Variants in HEATR5B observed in about 807,000 individuals in gnomAD.
HEATR5B encodes the protein HEAT repeat containing 5B.
In HEATR5B, 156 loss-of-function variants were observed where a neutral mutation model predicts 224.1. The observed-to-expected ratio is 0.70, with a 90% CI of 0.61 to 0.80. The LOEUF (loss-of-function observed/expected upper bound fraction) is 0.80. Among genes scored for constraint, HEATR5B ranks in the 30% least tolerant of loss-of-function variants. The pLI is 0.00. For synonymous variants in HEATR5B, 1,027 were observed against 893.0 expected (o/e 1.15, Z -2.68); for missense variants, 2,323 against 2,535.5 (o/e 0.92, Z 1.80).
At chr2:37,042,736 A>T (rs1669950236) in intron 18 of HEATR5B, among the ~76,000 whole-genome samples, 1 of 152,140 alleles carries the variant, frequency 6.6e-6, no homozygotes. Context: ...TACTAAAAAT[A>T]CAAAAATCAG....
intron 24 of HEATR5B, among the ~76,000 whole-genome samples, chr2:37,022,084 G>A (rs1476943609): frequency 6.6e-6 from 1 of 151,592 alleles, no homozygotes; most frequent in Non-Finnish European, 1.5e-5. Context: ...TTTTTTCCCA[G>A]GTGAATCCTT....
chr2:37,006,711 ATCT>A (rs1335635298), intron 29 of HEATR5B, among the ~76,000 whole-genome samples: 2 of 152,342 alleles, frequency 1.3e-5, no homozygotes, highest in East Asian at 3.9e-4. Flanking sequence ...ATTCACTGAA[ATCT>A]TCTTAAACAT....
chr2:37,017,600 C>T (rs1228384884), intron 26 of HEATR5B, among the ~76,000 whole-genome samples: 5 of 144,196 alleles, frequency 3.5e-5, no homozygotes, highest in African/African-American at 1.0e-4. Context: ...GCAGGAGAAT[C>T]GCTTGAACCT....
intron 26 of HEATR5B, among the ~76,000 whole-genome samples, chr2:37,015,822 T>A (rs1339399532): frequency 6.6e-6 from 1 of 152,204 alleles, no homozygotes; most frequent in Non-Finnish European, 1.5e-5. Flanking sequence ...GGTAATTACA[T>A]AACCCTAGGA....
At chr2:37,052,529 G>A (rs1384498569) in intron 17 of HEATR5B, among the ~76,000 whole-genome samples, 1 of 152,188 alleles carries the variant, frequency 6.6e-6, no homozygotes, top group East Asian at 1.9e-4. Flanking sequence ...TGTTCTTCCT[G>A]TAGATCTCAG....
chr2:37,063,943 C>G (rs1292800269), intron 10 of HEATR5B, among the ~76,000 whole-genome samples: 2 of 152,162 alleles, frequency 1.3e-5, no homozygotes, highest in African/African-American at 4.8e-5. Context: ...TCCCAAGTAG[C>G]TGGGATTACA....
chr2:37,054,590 T>C (rs1431182444), intron 16 of HEATR5B, among the ~76,000 whole-genome samples: 1 of 151,162 alleles, frequency 6.6e-6, no homozygotes, highest in Non-Finnish European at 1.5e-5. Context: ...GTTCATATGA[T>C]TCTCCTGCCT....
intron 23 of HEATR5B, 52 bp from the exon 24 acceptor site, chr2:37,028,226 C>G: frequency 1.6e-6 from 2 of 1,244,694 alleles, no homozygotes; most frequent in Middle Eastern, 4.2e-4. Flanking sequence ...CAAAAATGAT[C>G]CTTTAAAAAG....
chr2:37,069,018 C>T, intron 7 of HEATR5B, 88 bp from the exon 8 acceptor site: 2 of 1,309,598 alleles, frequency 1.5e-6, no homozygotes, highest in South Asian at 2.9e-5. Flanking sequence ...TAACTGATAA[C>T]AGCATGCTGA....
At chr2:36,983,176 T>C (rs1665697513) in intron 35 of HEATR5B, among the ~76,000 whole-genome samples, 1 of 152,108 alleles carries the variant, frequency 6.6e-6, no homozygotes, top group African/African-American at 2.4e-5. Flanking sequence ...ATTTTTAAAG[T>C]CCCAGGTAAA....
chr2:37,017,337 G>A (rs1668181391), intron 26 of HEATR5B, among the ~76,000 whole-genome samples: 1 of 151,624 alleles, frequency 6.6e-6, no homozygotes, highest in Admixed American at 6.6e-5. Flanking sequence ...AGGGTGCAGT[G>A]AGCTGAGATC....
At chr2:37,051,354 C>CAAAAAAAAAAAAAAAAAAAAAAAAATAA (rs11313174) in intron 17 of HEATR5B, among the ~76,000 whole-genome samples, 1 of 66,040 alleles carries the variant, frequency 1.5e-5, no homozygotes, top group African/African-American at 5.7e-5. Flanking sequence ...AACTCCATCT[C>CAAAAAAAAAAAAAAAAAAAAAAAAATAA]AAAAAAAAAA....
chr2:37,074,523 C>T (rs537014109), intron 5 of HEATR5B, among the ~76,000 whole-genome samples: 3 of 152,178 alleles, frequency 2.0e-5, no homozygotes, highest in East Asian at 3.9e-4. Flanking sequence ...AGATACAACA[C>T]CAAAAGCACA....
rs1665571579 is a variant in HEATR5B at position 36,981,395 on chromosome 2, T to A, written c.*95A>T. On this transcript the variant is annotated 3_prime_UTR_variant, in exon 36 of 36. Coordinates refer to ENST00000233099, the MANE Select transcript of HEATR5B (RefSeq NM_019024.3). Reference sequence around the variant, plus strand: ...AAGCACTATAATACCAATATACAAATAAAACAGAACCCATAGGTAGCCTGG... The same window carrying A: ...AAGCACTATAATACCAATATACAAAAAAAACAGAACCCATAGGTAGCCTGG... The A allele has an allele frequency of 1.1e-6, 1 of 929,974 alleles. No homozygotes were observed. Among genetic ancestry groups the A allele is most frequent in the Non-Finnish European group, 1.6e-6 (1 of 628,232 alleles). 57.6% of individuals were successfully genotyped at this position (929,974 alleles called of 1,614,324 possible). A position where few individuals can be genotyped will look rare whatever the true frequency, so the allele number is the denominator to read the frequency against.
intron 27 of HEATR5B, among the ~76,000 whole-genome samples, chr2:37,012,437 C>T (rs766061449): frequency 6.6e-6 from 1 of 152,104 alleles, no homozygotes; most frequent in African/African-American, 2.4e-5. Context: ...GTTGCCCAGG[C>T]TGCAGTGCAA....
intron 21 of HEATR5B, among the ~76,000 whole-genome samples, chr2:37,034,843 C>A (rs1669378040): frequency 6.6e-6 from 1 of 152,014 alleles, no homozygotes; most frequent in Admixed American, 6.6e-5. Flanking sequence ...CAGGTGTGAG[C>A]CACCGCACCC....
At chr2:37,029,430 G>A (rs1169583240) in intron 22 of HEATR5B, among the ~76,000 whole-genome samples, 2 of 152,248 alleles carry the variant, frequency 1.3e-5, no homozygotes, top group African/African-American at 4.8e-5. Context: ...TTGGGAGGCT[G>A]AGGCAGGTGG....
At chr2:37,071,934 C>T (rs189206189) in intron 6 of HEATR5B, among the ~76,000 whole-genome samples, 176 bp downstream of exon 6, 36 of 152,244 alleles carry the variant, frequency 2.4e-4, no homozygotes, top group Admixed American at 7.2e-4. Context: ...CCACCTGTCT[C>T]GGCCTCCCAG....
intron 10 of HEATR5B, among the ~76,000 whole-genome samples, chr2:37,063,222 T>C (rs1671389493): frequency 6.6e-6 from 1 of 152,166 alleles, no homozygotes; most frequent in African/African-American, 2.4e-5. Flanking sequence ...CTCGGTACTT[T>C]GCTGTATTAA....
Sources: gnomAD v4.1 joint callset for allele counts (sites outside exome capture counted in the v4.1 genomes callset) on GRCh38, gnomAD v4.1.1 for gene constraint, MANE v1.5 for transcripts, NCBI Gene and HGNC (gene_info 2026-07-23, HGNC 2026-07-21) for gene names.